The following FAM193A variants were observed in gnomAD, a reference collection of about 807,000 sequenced individuals.
FAM193A encodes the protein protein FAM193A.
FAM193A carries 22 observed loss-of-function variants against 126.5 expected under a neutral mutation model. The observed-to-expected ratio is 0.17, with a 90% CI of 0.12 to 0.25. The LOEUF (loss-of-function observed/expected upper bound fraction) is 0.25, where lower values mean the gene tolerates loss of function less well. FAM193A is among the 10% of genes least tolerant of loss of function. The pLI is 1.00. For synonymous variants in FAM193A, 761 were observed against 646.8 expected (o/e 1.18, Z -2.68); for missense variants, 1,675 against 1,672.8 (o/e 1.00, Z -0.02).
intron 5 of FAM193A, among the ~76,000 whole-genome samples, chr4:2,632,808 C>T (rs79507481): frequency 0.03 from 4,496 of 152,208 alleles, 231 homozygotes; most frequent in African/African-American, 0.1. Flanking sequence ...ACAGCCTCCC[C>T]GTCTCTACCT....
At chr4:2,726,231 G>A (rs918572864) in intron 20 of FAM193A, among the ~76,000 whole-genome samples, 7 of 152,138 alleles carry the variant, frequency 4.6e-5, no homozygotes, top group African/African-American at 1.7e-4. Context: ...AGTAGAGACA[G>A]TTCTCATTAT....
intron 20 of FAM193A, among the ~76,000 whole-genome samples, chr4:2,728,896 CT>C (rs34029424): frequency 3.1e-4 from 30 of 97,136 alleles, no homozygotes; most frequent in South Asian, 8.5e-4. Flanking sequence ...ACCTCCAAAA[CT>C]TTTTTTTTTT....
intron 1 of FAM193A, among the ~76,000 whole-genome samples, chr4:2,550,739 G>GT (rs1305322185): frequency 4.8e-4 from 72 of 150,384 alleles, no homozygotes; most frequent in Admixed American, 1.4e-3. Flanking sequence ...CCTGTTGGTT[G>GT]TTTTTTTTGT....
At chr4:2,717,640 G>C (rs1038665785) in intron 20 of FAM193A, among the ~76,000 whole-genome samples, 1 of 149,730 alleles carries the variant, frequency 6.7e-6, no homozygotes, top group Non-Finnish European at 1.5e-5. Context: ...TGTAGTCCAA[G>C]CTACTCAGGA....
intron 2 of FAM193A, among the ~76,000 whole-genome samples, chr4:2,600,476 C>T (rs773079402): frequency 1.3e-5 from 2 of 152,202 alleles, no homozygotes; most frequent in Non-Finnish European, 2.9e-5. Context: ...CATGCATGGG[C>T]ATCTAGTGCG....
At position 2,639,746 on chromosome 4, in the gene FAM193A, C is replaced by T; in HGVS notation, c.1050C>T (p.His350=). ...STFLGTLENE[H]LKKFQVTWEL... The stretch of plus-strand genomic sequence containing the variant: ...TTTTTCTTAACCAGGAAAATGAACA[C>T]TTGAAAAAGTTCCAAGTGACGTGGG... The change falls in exon 6 of 21, where the codon CAC becomes CAT. Residue 350 remains histidine, a synonymous_variant. Transcript: ENST00000637812. 6.2e-7 allele frequency: 1 copy of T among 1,611,220 alleles called. No homozygotes were observed. Among genetic ancestry groups the T allele is most frequent in the Non-Finnish European group, 8.5e-7 (1 of 1,178,520 alleles).
intron 2 of FAM193A, among the ~76,000 whole-genome samples, chr4:2,601,034 C>T (rs770699113): frequency 2.0e-5 from 3 of 152,084 alleles, no homozygotes; most frequent in Non-Finnish European, 4.4e-5. Flanking sequence ...GCAGGAGGGT[C>T]GCTTGAGCCC....
chr4:2,634,095 C>T (rs2109008616), intron 5 of FAM193A, among the ~76,000 whole-genome samples: 1 of 152,286 alleles, frequency 6.6e-6, no homozygotes, highest in Admixed American at 6.5e-5. Flanking sequence ...AATGCTGGGA[C>T]TGTAAGTGAC....
chr4:2,625,495 G>A lies in FAM193A; in HGVS notation c.635+100G>A, dbSNP rs181170786. On this transcript the variant is annotated intron_variant, in intron 3 of 20. Coordinates refer to ENST00000637812, the MANE Select transcript of FAM193A (RefSeq NM_001366318.2). The stretch of plus-strand genomic sequence containing the variant: ...AGAAACTGGGCTAATGTGACAGACA[G>A]CAACAAGAGTAAGGCAGTTGCTTCG... The A allele has an allele frequency of 7.7e-5, 44 of 573,044 alleles. No homozygotes were observed. The East Asian group carries it at 1.3e-3, about 17-fold the overall frequency. The allele number at this position is 573,044 out of a possible 1,614,324, so 35.5% of individuals were successfully genotyped here.
At chr4:2,538,275 C>T (rs1937572812) in intron 1 of FAM193A, among the ~76,000 whole-genome samples, 2 of 151,500 alleles carry the variant, frequency 1.3e-5, no homozygotes, top group Non-Finnish European at 2.9e-5. Flanking sequence ...GATCTTGGCT[C>T]ACTGTAACCT....
chr4:2,569,969 G>A (rs916206), intron 1 of FAM193A, among the ~76,000 whole-genome samples: 2 of 151,768 alleles, frequency 1.3e-5, no homozygotes, highest in Non-Finnish European at 2.9e-5. Context: ...ATTTGATTTC[G>A]TCTCATTCAG....
In FAM193A at chr4:2,708,147, T is replaced by C. The variant is rs1056623322; in HGVS notation, c.4372+7603T>C. On this transcript the variant is annotated intron_variant, in intron 19 of 20. Coordinates refer to ENST00000637812, the MANE Select transcript of FAM193A (RefSeq NM_001366318.2). ...GTTTGTTTGTTTGTTTATTTCGAGA[T>C]GGAGTTTCGCTCTTGTTGCCCAGTC... 44 of 448,892 alleles carry C rather than the reference T, an allele frequency of 9.8e-5. No individual in the cohort carries two copies. In the Admixed American group the frequency reaches 1.0e-3, roughly 10 times the overall value. 27.8% of individuals were successfully genotyped at this position (448,892 alleles called of 1,614,324 possible). A position where few individuals can be genotyped will look rare whatever the true frequency, so the allele number is the denominator to read the frequency against.
rs1013286702 is a variant in FAM193A at position 2,693,882 on chromosome 4, A to G, written c.3092+8A>G. On this transcript the variant is annotated splice_region_variant and intron_variant, in intron 16 of 20. Transcript: ENST00000637812. ...CCCTCCAAGTGTCTGCAGGTGAGCC[A>G]AGTCCTGACTGGGGACGTGGGAGCA... 1.2e-6 allele frequency: 2 copies of G among 1,609,952 alleles called. No individual in the cohort carries two copies. The highest frequency in any genetic ancestry group is 1.7e-6 in the Non-Finnish European group (2 of 1,177,008).
intron 2 of FAM193A, among the ~76,000 whole-genome samples, chr4:2,619,846 A>G (rs1013054308): frequency 6.6e-6 from 1 of 151,924 alleles, no homozygotes; most frequent in East Asian, 1.9e-4. Flanking sequence ...TTGTGCCTCC[A>G]TGCCTGGCTA....
At chr4:2,716,754 G>A (rs1419517124) in intron 20 of FAM193A, among the ~76,000 whole-genome samples, 1 of 152,114 alleles carries the variant, frequency 6.6e-6, no homozygotes, top group Non-Finnish European at 1.5e-5. Flanking sequence ...TCAGCTCACT[G>A]CAACCTCTGC....
At chr4:2,561,653 T>C (rs1454087483) in intron 1 of FAM193A, among the ~76,000 whole-genome samples, 2 of 151,618 alleles carry the variant, frequency 1.3e-5, no homozygotes, top group Admixed American at 1.3e-4. Context: ...CTTGTCACCA[T>C]ACCTGGCTAA....
intron 1 of FAM193A, among the ~76,000 whole-genome samples, chr4:2,591,364 C>A (rs1740562107): frequency 6.6e-6 from 1 of 152,110 alleles, no homozygotes; most frequent in Non-Finnish European, 1.5e-5. Flanking sequence ...AGGACTTGAT[C>A]TTTTTAGGCA....
intron 19 of FAM193A, among the ~76,000 whole-genome samples, chr4:2,705,052 C>T (rs1718157131): frequency 6.6e-6 from 1 of 152,176 alleles, no homozygotes; most frequent in South Asian, 2.1e-4. Flanking sequence ...GCTGGGATTA[C>T]AGGTGCCCAC....
At chr4:2,600,148 T>C (rs1290697102) in intron 2 of FAM193A, among the ~76,000 whole-genome samples, 2 of 152,226 alleles carry the variant, frequency 1.3e-5, no homozygotes, top group Non-Finnish European at 2.9e-5. Flanking sequence ...TCTACCTACC[T>C]TGGCCTCCCA....
Sources: allele counts gnomAD v4.1 joint callset (sites outside exome capture counted in the v4.1 genomes callset), GRCh38; gene constraint gnomAD v4.1.1; transcripts MANE v1.5; gene names NCBI Gene and HGNC (gene_info 2026-07-23, HGNC 2026-07-21).